The following GPHN variants were observed in gnomAD, a reference collection of about 807,000 sequenced individuals.
GPHN encodes the protein gephyrin.
GPHN carries 17 observed loss-of-function variants against 95.5 expected under a neutral mutation model. That is an observed-to-expected ratio of 0.18 (90% CI 0.12 to 0.27). GPHN has a LOEUF of 0.27. GPHN is among the 10% of genes least tolerant of loss of function. GPHN has a pLI of 1.00. For synonymous variants in GPHN, 320 were observed against 322.5 expected (o/e 0.99, Z 0.08); for missense variants, 660 against 978.1 (o/e 0.67, Z 4.34).
At chr14:67,489,729 G>A in the GPHN span, among the ~76,000 whole-genome samples, 5 of 152,320 alleles carry the variant, frequency 3.3e-5, no homozygotes, top group South Asian at 4.1e-4. Context: ...GGTGGCTCAC[G>A]CCTGTAATCC....
At chr14:66,819,424 C>A (rs552154501) in intron 3 of GPHN, among the ~76,000 whole-genome samples, 1 of 152,052 alleles carries the variant, frequency 6.6e-6, no homozygotes, top group Non-Finnish European at 1.5e-5. Context: ...CTGTTCTGTC[C>A]CCATTGCTTG....
intron 1 of GPHN, among the ~76,000 whole-genome samples, chr14:66,575,026 T>C (rs924724401): frequency 1.3e-5 from 2 of 152,192 alleles, no homozygotes; most frequent in Non-Finnish European, 1.5e-5. Context: ...TTAATAAATC[T>C]CCTCTCATAT....
chr14:67,376,767 T>C, the GPHN span, among the ~76,000 whole-genome samples: 2 of 152,386 alleles, frequency 1.3e-5, no homozygotes, highest in Admixed American at 1.3e-4. Flanking sequence ...TGTATCATAG[T>C]TATGTAGATT....
At position 67,180,902 on chromosome 14, in the gene GPHN, G is replaced by A. The variant is rs1158733278; in HGVS notation, c.2275G>A (p.Glu759Lys). 5 of 1,613,976 alleles carry A rather than the reference G, an allele frequency of 3.1e-6. No homozygotes were observed. The highest frequency in any genetic ancestry group is 1.3e-5 in the African/African-American group (1 of 75,044). ...ACAGTACGTGGAGCTCCACAAAGGC[G>A]AGGTGGTGGATGTCATGGTCATTGG... ...TEQYVELHKG[E>K]VVDVMVIGRL Residue 759 changes from glutamate to lysine, a missense_variant, in exon 23 of 23, where the codon GAG (glutamate) becomes AAG (lysine). Glu to Lys is a moderately conservative substitution (Grantham distance 56, BLOSUM62 1). Transcript: ENST00000478722.
chr14:66,598,962 G>A (rs556039521), intron 1 of GPHN, among the ~76,000 whole-genome samples: 2 of 152,164 alleles, frequency 1.3e-5, no homozygotes, highest in South Asian at 2.1e-4. Flanking sequence ...AGGGAAGGCC[G>A]TTAGTACAAT....
the GPHN span, among the ~76,000 whole-genome samples, chr14:67,444,515 C>T: frequency 1.3e-5 from 2 of 152,172 alleles, no homozygotes; most frequent in Admixed American, 6.5e-5. Flanking sequence ...TGACTTCTGA[C>T]TCAGAGCTCA....
chr14:67,279,637 A>G, the GPHN span: 1 of 1,201,834 alleles, frequency 8.3e-7, no homozygotes, highest in Non-Finnish European at 1.1e-6. Flanking sequence ...AATGTAAGTA[A>G]TGACAGTTTG....
chr14:66,876,333 A>G (rs1162770800), intron 4 of GPHN, among the ~76,000 whole-genome samples: 1 of 152,186 alleles, frequency 6.6e-6, no homozygotes, highest in Non-Finnish European at 1.5e-5. Flanking sequence ...TATCACAATT[A>G]AAAGAACTAG....
chr14:66,879,048 T>A (rs2063804494), intron 4 of GPHN, among the ~76,000 whole-genome samples: 1 of 152,148 alleles, frequency 6.6e-6, no homozygotes, highest in African/African-American at 2.4e-5. Flanking sequence ...TGAGTTTATG[T>A]CCTTTGCAGG....
At chr14:66,762,051 T>TA (rs2058777570) in intron 2 of GPHN, among the ~76,000 whole-genome samples, 1 of 152,068 alleles carries the variant, frequency 6.6e-6, no homozygotes, top group Non-Finnish European at 1.5e-5. Context: ...GGTTTTCTTT[T>TA]AAAAAGCTCC....
At chr14:67,608,803 G>A in the GPHN span, among the ~76,000 whole-genome samples, 1 of 152,202 alleles carries the variant, frequency 6.6e-6, no homozygotes, top group Non-Finnish European at 1.5e-5. Context: ...CATGGTACAA[G>A]GGGCAAGGCA....
the GPHN span, among the ~76,000 whole-genome samples, chr14:67,723,377 G>A: frequency 6.6e-6 from 1 of 152,148 alleles, no homozygotes; most frequent in Non-Finnish European, 1.5e-5. Flanking sequence ...GGGAATATAG[G>A]CAGGTGCCAC....
intron 1 of GPHN, among the ~76,000 whole-genome samples, chr14:66,603,262 G>A (rs1331111154): frequency 6.6e-6 from 1 of 151,822 alleles, no homozygotes; most frequent in African/African-American, 2.4e-5. Context: ...TAAAATCCCT[G>A]TAATCCCTCT....
At chr14:67,603,066 G>GTTTT in the GPHN span, among the ~76,000 whole-genome samples, 1 of 91,560 alleles carries the variant, frequency 1.1e-5, no homozygotes, top group Non-Finnish European at 2.1e-5. Context: ...CTTTCTTTCT[G>GTTTT]GTTTGTTTTG....
At chr14:67,179,963 T>G (rs981245671) in intron 22 of GPHN, among the ~76,000 whole-genome samples, 8 of 152,328 alleles carry the variant, frequency 5.3e-5, no homozygotes, top group Non-Finnish European at 1.2e-4. Context: ...TTTGATATGT[T>G]TGTTCAACCA....
chr14:67,332,996 C>A, the GPHN span: 3 of 1,559,222 alleles, frequency 1.9e-6, no homozygotes, highest in Non-Finnish European at 2.6e-6. Flanking sequence ...CTTGATCTGG[C>A]AAAAACTGCC....
the GPHN span, chr14:67,198,393 G>A: frequency 7.1e-7 from 1 of 1,400,028 alleles, no homozygotes; most frequent in South Asian, 1.3e-5. Flanking sequence ...TGAAAAGGAT[G>A]GTAGGAGAAT....
intron 11 of GPHN, among the ~76,000 whole-genome samples, chr14:67,069,537 T>G (rs1479778699): frequency 6.6e-6 from 1 of 152,220 alleles, no homozygotes; most frequent in Non-Finnish European, 1.5e-5. Flanking sequence ...GCTACAAACT[T>G]AGTTCCAACA....
chr14:67,591,477 C>T, the GPHN span, among the ~76,000 whole-genome samples: 1 of 152,302 alleles, frequency 6.6e-6, no homozygotes, highest in South Asian at 2.1e-4. Context: ...TAACTGTATA[C>T]ATAAATACAT....
Sources: allele counts gnomAD v4.1 joint callset (sites outside exome capture counted in the v4.1 genomes callset), GRCh38; gene constraint gnomAD v4.1.1; transcripts MANE v1.5; gene names NCBI Gene and HGNC (gene_info 2026-07-23, HGNC 2026-07-21).